The following RBFOX1 variants were observed in gnomAD, a reference collection of about 807,000 sequenced individuals.
RBFOX1 encodes RNA binding fox-1 homolog 1.
In RBFOX1, 8 loss-of-function variants were observed where a neutral mutation model predicts 57.7. That is an observed-to-expected ratio of 0.14 (90% CI 0.08 to 0.25). The LOEUF is 0.25. RBFOX1 is among the 10% of genes least tolerant of loss of function. RBFOX1 has a pLI of 1.00. For missense variants in RBFOX1, 611 were observed against 548.5 expected (o/e 1.11, Z -1.14); for synonymous variants, 326 against 222.4 (o/e 1.47, Z -4.15).
intron 3 of RBFOX1, among the ~76,000 whole-genome samples, chr16:5,833,901 C>A (rs897847821): frequency 2.0e-5 from 3 of 152,120 alleles, no homozygotes; most frequent in Non-Finnish European, 4.4e-5. Flanking sequence ...TACTACTCTC[C>A]CTCTCCATAC....
chr16:6,949,505 G>A (rs2080250684), intron 3 of RBFOX1, among the ~76,000 whole-genome samples: 1 of 152,152 alleles, frequency 6.6e-6, no homozygotes, highest in Non-Finnish European at 1.5e-5. Context: ...CAGAGCATTG[G>A]CAGGGTCTGT....
rs1199304380 is a variant in RBFOX1 at position 5,953,199 on chromosome 16, T to A, written c.351+85864T>A. 2.0e-5 allele frequency among the ~76,000 whole-genome samples: 3 copies of A among 152,306 alleles called. No individual in the cohort carries two copies. In the East Asian group the frequency reaches 5.8e-4, roughly 29 times the overall value. On this transcript the variant is annotated intron_variant, in intron 4 of 19. Transcript: ENST00000641259. ...TAAGACCAAGTGCCCTGGGGCCATGTTTCTCAGCTAGGGAATGATTTTGCC... is the reference window on the plus strand; with the variant it reads ...TAAGACCAAGTGCCCTGGGGCCATGATTCTCAGCTAGGGAATGATTTTGCC...
At chr16:7,143,442 G>A (rs1013182941) in intron 4 of RBFOX1, among the ~76,000 whole-genome samples, 2 of 152,074 alleles carry the variant, frequency 1.3e-5, no homozygotes, top group East Asian at 1.9e-4. Flanking sequence ...AATAAAATGT[G>A]CCTCAGTAAT....
At chr16:7,098,256 G>A (rs1232873903) in intron 4 of RBFOX1, among the ~76,000 whole-genome samples, 6 of 152,128 alleles carry the variant, frequency 3.9e-5, no homozygotes, top group Admixed American at 6.5e-5. Flanking sequence ...TACAACCTCC[G>A]CCTTCCTGGT....
chr16:7,460,395 G>A (rs867715283), intron 4 of RBFOX1, among the ~76,000 whole-genome samples: 19,464 of 63,732 alleles, frequency 0.31, 2,945 homozygotes, highest in Non-Finnish European at 0.37. Context: ...ATATATGTGT[G>A]TGTGTGTGTG....
chr16:7,361,372 T>A (rs2097316256), intron 4 of RBFOX1, among the ~76,000 whole-genome samples: 1 of 152,194 alleles, frequency 6.6e-6, no homozygotes, highest in Non-Finnish European at 1.5e-5. Flanking sequence ...TGTTTGCTCT[T>A]GGGGAAGATT....
At position 6,119,879 on chromosome 16, in the gene RBFOX1, T is replaced by A. The variant is rs75389820; in HGVS notation, c.-127+99887T>A. ...TATGCAACCGCTACCTCTATCCAGTTCTAAGACATTTTTATCACCCTAGAA... is the reference window on the plus strand; with the variant it reads ...TATGCAACCGCTACCTCTATCCAGTACTAAGACATTTTTATCACCCTAGAA... On this transcript the variant is annotated intron_variant, in intron 1 of 15. Coordinates refer to ENST00000550418, the MANE Select transcript of RBFOX1 (RefSeq NM_018723.4). Among the ~76,000 whole-genome samples, 1,228 of 152,320 alleles carry A rather than the reference T, an allele frequency of 8.1e-3. 16 individuals are homozygous for A. Among genetic ancestry groups the A allele is most frequent in the African/African-American group, 0.028 (1,180 of 41,564 alleles).
At chr16:7,077,188 C>T (rs2058442494) in intron 4 of RBFOX1, among the ~76,000 whole-genome samples, 1 of 152,166 alleles carries the variant, frequency 6.6e-6, no homozygotes, top group Admixed American at 6.5e-5. Context: ...CCCAGCTGCG[C>T]ACATAATGCT....
intron 2 of RBFOX1, among the ~76,000 whole-genome samples, chr16:6,497,092 T>A (rs12932477): frequency 6.6e-6 from 1 of 152,224 alleles, no homozygotes; most frequent in Admixed American, 6.5e-5. Flanking sequence ...TGTCTCCATT[T>A]TACAGATGAG....
intron 1 of RBFOX1, among the ~76,000 whole-genome samples, chr16:6,261,490 A>T (rs2097701165): frequency 6.6e-6 from 1 of 152,202 alleles, no homozygotes; most frequent in Admixed American, 6.5e-5. Context: ...GAGAGTTATT[A>T]TGACTGTACA....
intron 3 of RBFOX1, among the ~76,000 whole-genome samples, chr16:6,966,897 AT>A (rs1568129781): frequency 2.1e-3 from 27 of 12,644 alleles, no homozygotes; most frequent in Admixed American, 4.5e-3. Flanking sequence ...TCATCTCTCC[AT>A]CCATCCATCC....
chr16:7,118,529 A>G (rs372967396), intron 4 of RBFOX1, among the ~76,000 whole-genome samples: 2 of 152,116 alleles, frequency 1.3e-5, no homozygotes, highest in African/African-American at 2.4e-5. Flanking sequence ...TCCCCACTAT[A>G]CAATTCATCC....
At chr16:7,522,156 T>A (rs930737812) in intron 5 of RBFOX1, among the ~76,000 whole-genome samples, 3 of 152,218 alleles carry the variant, frequency 2.0e-5, no homozygotes, top group African/African-American at 7.2e-5. Flanking sequence ...CATGATGAGA[T>A]GCCTTCAGAA....
At chr16:7,036,186 C>T (rs1034862719) in intron 3 of RBFOX1, among the ~76,000 whole-genome samples, 1 of 141,078 alleles carries the variant, frequency 7.1e-6, no homozygotes, top group South Asian at 2.7e-4. Flanking sequence ...TCCCATGGGA[C>T]TTAGTTCACC....
intron 4 of RBFOX1, among the ~76,000 whole-genome samples, chr16:7,437,451 G>A (rs7196458): frequency 0.042 from 6,464 of 152,102 alleles, 461 homozygotes; most frequent in African/African-American, 0.15. Context: ...CACTGTTGGC[G>A]CGTTATTAAT....
At chr16:7,676,602 C>A (rs2073349735) in intron 13 of RBFOX1, among the ~76,000 whole-genome samples, 172 bp from the exon 14 acceptor site, 1 of 152,094 alleles carries the variant, frequency 6.6e-6, no homozygotes, top group South Asian at 2.1e-4. Context: ...GGTATTCCAC[C>A]CCTTGTTTCT....
chr16:5,361,191 C>T (rs981060795), intron 1 of RBFOX1, among the ~76,000 whole-genome samples: 1 of 152,146 alleles, frequency 6.6e-6, no homozygotes, highest in Non-Finnish European at 1.5e-5. Context: ...GGGTCCAGTG[C>T]CATTGGTCTT....
chr16:7,358,169 C>G (rs1048149635), intron 4 of RBFOX1, among the ~76,000 whole-genome samples: 2 of 152,150 alleles, frequency 1.3e-5, no homozygotes, highest in Non-Finnish European at 2.9e-5. Flanking sequence ...TGTTATCATC[C>G]TATTGGATAT....
At chr16:5,908,439 G>T (rs1450945843) in intron 4 of RBFOX1, among the ~76,000 whole-genome samples, 1 of 151,482 alleles carries the variant, frequency 6.6e-6, no homozygotes, top group Admixed American at 6.6e-5. Context: ...TACATCCTCT[G>T]CCTCCCGGTT....
Sources: gnomAD v4.1 joint callset for allele counts (sites outside exome capture counted in the v4.1 genomes callset) on GRCh38, gnomAD v4.1.1 for gene constraint, MANE v1.5 for transcripts, NCBI Gene and HGNC (gene_info 2026-07-23, HGNC 2026-07-21) for gene names.